The following CTTNBP2 variants were observed in gnomAD, a reference collection of about 807,000 sequenced individuals.
The protein encoded by CTTNBP2 is cortactin binding protein 2, also known as cortactin-binding protein 2.
A neutral mutation model predicts 156.9 loss-of-function variants in CTTNBP2; 108 were observed. The observed-to-expected ratio is 0.69, with a 90% CI of 0.59 to 0.81. The LOEUF (loss-of-function observed/expected upper bound fraction) is 0.81. CTTNBP2 is among the 30% of genes least tolerant of loss of function. The pLI, the probability that CTTNBP2 is intolerant of heterozygous loss-of-function variation, is 0.00. For missense variants in CTTNBP2, 1,924 were observed against 2,035.4 expected, an observed-to-expected ratio of 0.95 and a Z score of 1.05; for synonymous variants, 767 against 751.8, an observed-to-expected ratio of 1.02 and a Z score of -0.33.
intron 7 of CTTNBP2, among the ~76,000 whole-genome samples, chr7:117,780,124 T>C (rs1798334982): frequency 6.6e-6 from 1 of 152,178 alleles, no homozygotes; most frequent in Admixed American, 6.5e-5. Flanking sequence ...GATCTGAGAC[T>C]ATTATTTGTT....
chr7:117,845,698 A>T (rs1010891644), intron 2 of CTTNBP2, among the ~76,000 whole-genome samples: 1 of 152,132 alleles, frequency 6.6e-6, no homozygotes, highest in Non-Finnish European at 1.5e-5. Flanking sequence ...TTCTCTATGG[A>T]GGGTTTTCAA....
chr7:117,727,218 G>A (rs967014070), intron 17 of CTTNBP2, among the ~76,000 whole-genome samples: 1 of 152,072 alleles, frequency 6.6e-6, no homozygotes, highest in East Asian at 1.9e-4. Context: ...TAGAGACAGG[G>A]TCTTGCTCTA....
At chr7:117,721,151 T>TA in intron 19 of CTTNBP2, 21 bp from the exon 20 acceptor site, 1 of 1,374,250 alleles carries the variant, frequency 7.3e-7, no homozygotes, top group Non-Finnish European at 1.0e-6. Flanking sequence ...AGAGAACCAT[T>TA]TTCAATAGAT....
At chr7:117,727,229 AT>A (rs1437189427) in intron 17 of CTTNBP2, among the ~76,000 whole-genome samples, 8 of 152,098 alleles carry the variant, frequency 5.3e-5, no homozygotes, top group African/African-American at 1.9e-4. Flanking sequence ...TCTTGCTCTA[AT>A]ACTCAGGCTG....
chr7:117,752,860 C>G lies in CTTNBP2; in HGVS notation c.3348+3695G>C, dbSNP rs1475154247. Among the ~76,000 whole-genome samples the G allele has an allele frequency of 4.6e-5, 7 of 152,036 alleles. No homozygotes were observed. The South Asian group carries it at 1.2e-3, about 27-fold the overall frequency. ...AATCTAACTTGTATGGAGTATCTAT[C>G]TCATAGAAAGATTAAATGAGATTAT... On this transcript the variant is annotated intron_variant, in intron 12 of 22. Coordinates refer to ENST00000160373, the MANE Select transcript of CTTNBP2 (RefSeq NM_033427.3).
intron 2 of CTTNBP2, among the ~76,000 whole-genome samples, chr7:117,840,017 A>G (rs1437404203): frequency 1.3e-5 from 2 of 152,244 alleles, no homozygotes; most frequent in Non-Finnish European, 2.9e-5. Flanking sequence ...TAATAAATAC[A>G]TACACACGTT....
rs1282725521 is a variant in CTTNBP2 at position 117,817,357 on chromosome 7, A to ATATATATATAT, written c.190-6369_190-6368insATATATATATA. ...TCAAAAAAAAAAAAAAAAAAAAAAA[A>ATATATATATAT]AAAAATATATATATATATATATATA... On this transcript the variant is annotated intron_variant, in intron 2 of 22. Transcript: ENST00000160373. 4.1e-3 allele frequency among the ~76,000 whole-genome samples: 135 copies of ATATATATATAT among 32,964 alleles called. 2 individuals are homozygous for ATATATATATAT. Among genetic ancestry groups the ATATATATATAT allele is most frequent in the African/African-American group, 0.012 (126 of 10,466 alleles). The allele number at this position is 32,964 out of a possible 152,430, so 21.6% of individuals were successfully genotyped here. A position where few individuals can be genotyped will look rare whatever the true frequency, so the allele number is the denominator to read the frequency against.
chr7:117,837,811 T>A (rs1468645059), intron 2 of CTTNBP2, among the ~76,000 whole-genome samples: 3 of 152,162 alleles, frequency 2.0e-5, no homozygotes, highest in Non-Finnish European at 4.4e-5. Flanking sequence ...AACTTTGAAT[T>A]TCAGATTAGG....
Position 117,855,209 on chromosome 7 carries a change from G to A in CTTNBP2, c.189+6000C>T, listed in dbSNP as rs187492233. Among the ~76,000 whole-genome samples the A allele has an allele frequency of 3.5e-4, 54 of 152,146 alleles. 1 individual carries two copies. Among genetic ancestry groups the A allele is most frequent in the Non-Finnish European group, 4.7e-4 (32 of 68,008 alleles). ...GGGTCAACAAGCTATTACCTCATGC[G>A]GACTGTTTGCATTAATAGCCATAAA... On this transcript the variant is annotated intron_variant, in intron 2 of 22. Coordinates refer to ENST00000160373, the MANE Select transcript of CTTNBP2 (RefSeq NM_033427.3).
Position 117,792,718 on chromosome 7 carries a change from G to T in CTTNBP2, c.478C>A (p.Leu160Ile). 6.2e-7 allele frequency: 1 copy of T among 1,609,718 alleles called. No homozygotes were observed. The highest frequency in any genetic ancestry group is 1.7e-5 in the Admixed American group (1 of 59,624). Residue 160 changes from leucine (L) to isoleucine (I), a missense_variant, in exon 4 of 23, where the codon CTT becomes ATT. Coordinates refer to ENST00000160373, the MANE Select transcript of CTTNBP2 (RefSeq NM_033427.3). This position sits in a 1 kb window ranked among gnomAD's most constrained non-coding sequence, Gnocchi z 4.2. ...TTGTTCTTGCCACGCTCTTCCTCAA[G>T]GCGGGCAGCCAGCTTCTTGTGCTCT... ...EQEHKKLAAR[L>I]EEERGKNKQV...
chr7:117,763,555 CTTTTT>C (rs767309488), intron 9 of CTTNBP2, among the ~76,000 whole-genome samples: 7 of 103,456 alleles, frequency 6.8e-5, no homozygotes, highest in South Asian at 3.3e-4. Flanking sequence ...TCTTCTTCTT[CTTTTT>C]TTTTTTTTTT....
At chr7:117,818,973 C>T (rs2193260) in intron 2 of CTTNBP2, among the ~76,000 whole-genome samples, 88,896 of 151,568 alleles carry the variant, frequency 0.59, 26,043 homozygotes, top group East Asian at 0.71. Flanking sequence ...AAACACATGA[C>T]AGAAATGTAA....
At chr7:117,843,448 A>G (rs1312266181) in intron 2 of CTTNBP2, among the ~76,000 whole-genome samples, 1 of 152,216 alleles carries the variant, frequency 6.6e-6, no homozygotes, top group Non-Finnish European at 1.5e-5. Context: ...CAAACATCTA[A>G]AACAGTGAGG....
At chr7:117,870,250 A>T (rs1804490771) in intron 1 of CTTNBP2, among the ~76,000 whole-genome samples, 1 of 152,226 alleles carries the variant, frequency 6.6e-6, no homozygotes, top group African/African-American at 2.4e-5. Context: ...GTATCTCAGT[A>T]AGTGTTCAGT....
At chr7:117,829,605 A>ACGCCCTATTCCTGT (rs1436804780) in intron 2 of CTTNBP2, among the ~76,000 whole-genome samples, 2 of 152,186 alleles carry the variant, frequency 1.3e-5, no homozygotes, top group Admixed American at 6.5e-5. Flanking sequence ...ACATATGCTC[A>ACGCCCTATTCCTGT]CGCCCTATTC....
intron 2 of CTTNBP2, among the ~76,000 whole-genome samples, chr7:117,849,304 C>T (rs1179529527): frequency 1.3e-5 from 2 of 152,134 alleles, no homozygotes; most frequent in African/African-American, 4.8e-5. Context: ...TCAGAATCAC[C>T]CAGAGGACTT....
intron 12 of CTTNBP2, among the ~76,000 whole-genome samples, chr7:117,747,500 T>TG (rs1463215680): frequency 7.9e-5 from 12 of 152,264 alleles, no homozygotes; most frequent in African/African-American, 2.6e-4. Context: ...GGGCCGCACG[T>TG]GGTGGCTCAC....
At chr7:117,784,923 C>A (rs1259533120) in intron 4 of CTTNBP2, among the ~76,000 whole-genome samples, 1 of 152,078 alleles carries the variant, frequency 6.6e-6, no homozygotes, top group Non-Finnish European at 1.5e-5. Context: ...TCTTTTTCAA[C>A]AAGGTTTCTA....
chr7:117,810,683 C>T, intron 3 of CTTNBP2, 82 bp downstream of exon 3: 2 of 1,098,276 alleles, frequency 1.8e-6, no homozygotes, highest in Non-Finnish European at 2.8e-6. Flanking sequence ...AAATATAATA[C>T]TGAAGAACAA....
Sources: allele counts gnomAD v4.1 joint callset (sites outside exome capture counted in the v4.1 genomes callset), GRCh38; gene constraint gnomAD v4.1.1; non-coding constraint Gnocchi (gnomAD v3.1); transcripts MANE v1.5; gene names NCBI Gene and HGNC (gene_info 2026-07-23, HGNC 2026-07-21).